The following LMO7 variants were observed in gnomAD, a reference collection of about 807,000 sequenced individuals.
LMO7 encodes LIM domain 7.
Under a neutral mutation model 206.5 loss-of-function variants are expected in LMO7, and 120 were observed. The ratio of observed to expected loss-of-function variants is 0.58; its 90% CI spans 0.50 to 0.68. The LOEUF is 0.68. Ranked by LOEUF, LMO7 falls within the 30% of genes least tolerant of loss-of-function variation. The probability of loss-of-function intolerance (pLI) is 0.00; values close to 1 mark genes in which losing one functional copy is unlikely to be tolerated. For missense variants in LMO7, 1,959 were observed against 1,957.9 expected, an observed-to-expected ratio of 1.00 and a Z score of -0.01; for synonymous variants, 706 against 681.5, an observed-to-expected ratio of 1.04 and a Z score of -0.56.
chr13:75,796,739 C>T lies in LMO7; in HGVS notation c.452C>T (p.Ala151Val). 2 of 1,597,264 alleles carry T rather than the reference C, an allele frequency of 1.3e-6. No individual in the cohort carries two copies. Among genetic ancestry groups the T allele is most frequent in the Non-Finnish European group, 1.7e-6 (2 of 1,164,808 alleles). Residue 151 changes from alanine to valine, a missense_variant, in exon 6 of 31, where the codon GCA (alanine) becomes GTA (valine). Physicochemically the swap from Ala to Val is moderately conservative, Grantham distance 64. Coordinates refer to ENST00000377534, the MANE Select transcript of LMO7 (RefSeq NM_001306080.2). The stretch of plus-strand genomic sequence containing the variant: ...GCGTTTGAGAATCTTTTAGGACAAG[C>T]ACTGACGAAGGTAAGTAAACTACAT... ...LKAFENLLGQ[A>V]LTKALEDSSF...
At position 75,817,217 on chromosome 13, in the gene LMO7, G is replaced by T; in HGVS notation, c.2003G>T (p.Arg668Leu). The change falls in exon 12 of 31, where the codon CGT (arginine) becomes CTT (leucine). Residue 668 changes from arginine (R) to leucine (L), a missense_variant. Transcript: ENST00000377534. ...GATGTTCAAAACTTGCGTCAGCTGC[G>T]TTACGAGGAGATGCAGAAAATAAAA... ...AEDVQNLRQL[R>L]YEEMQKIKSQ... The T allele has an allele frequency of 6.2e-7, 1 of 1,613,770 alleles. No homozygotes were observed. Among genetic ancestry groups the T allele is most frequent in the South Asian group, 1.1e-5 (1 of 91,060 alleles).
intron 1 of LMO7, among the ~76,000 whole-genome samples, chr13:75,663,672 C>T (rs2038850423): frequency 6.6e-6 from 1 of 151,952 alleles, no homozygotes; most frequent in African/African-American, 2.4e-5. Context: ...CCTTGTGATC[C>T]ACCCGCCTCG....
chr13:75,819,143 C>T (rs1468114619), intron 12 of LMO7: 3 of 331,850 alleles, frequency 9.0e-6, no homozygotes, highest in Non-Finnish European at 1.1e-5. Context: ...ATGAAGTGTG[C>T]AATGAGGCAG....
At chr13:75,817,661 C>T (rs1461192384) in intron 12 of LMO7, among the ~76,000 whole-genome samples, 1 of 151,918 alleles carries the variant, frequency 6.6e-6, no homozygotes, top group Non-Finnish European at 1.5e-5. Context: ...AGGGTTCTGG[C>T]AGAGACCTTG....
intron 1 of LMO7, among the ~76,000 whole-genome samples, chr13:75,672,352 C>T (rs1159761198): frequency 2.0e-5 from 3 of 150,998 alleles, no homozygotes; most frequent in Non-Finnish European, 4.4e-5. Context: ...AGCAATTCTT[C>T]TGCCTCAGCC....
At position 75,855,095 on chromosome 13, in the gene LMO7, A is replaced by G. The variant is rs967716767; in HGVS notation, c.4662-165A>G. On this transcript the variant is annotated intron_variant, in intron 28 of 30. Transcript: ENST00000377534. Reference sequence around the variant, plus strand: ...TGGAGATGGTTCAAAGTTAGAGTATAATCAAGGCACTCTTTAGTTGGCTGG... The same window carrying G: ...TGGAGATGGTTCAAAGTTAGAGTATGATCAAGGCACTCTTTAGTTGGCTGG... 3 of 540,762 alleles carry G rather than the reference A, an allele frequency of 5.5e-6. No homozygotes were observed. In the African/African-American group the frequency reaches 5.7e-5, roughly 10 times the overall value. The allele number at this position is 540,762 out of a possible 1,614,324, so 33.5% of individuals were successfully genotyped here.
intron 9 of LMO7, chr13:75,806,493 C>G (rs1018790145): frequency 2.0e-5 from 3 of 152,442 alleles, no homozygotes; most frequent in African/African-American, 2.4e-5. Context: ...ATGTGTGAGA[C>G]AGGATATATT....
chr13:75,634,803 C>A (rs2328957), upstream of LMO7, among the ~76,000 whole-genome samples: 3,459 of 151,212 alleles, frequency 0.023, 58 homozygotes, highest in Middle Eastern at 0.13. Context: ...GAGGTCAGTT[C>A]GAGACCAGCC....
chr13:75,712,123 C>T (rs1033979453), intron 1 of LMO7, among the ~76,000 whole-genome samples: 19 of 152,126 alleles, frequency 1.2e-4, no homozygotes, highest in African/African-American at 2.4e-4. Context: ...CTAGGGGGAC[C>T]GTGAAGCTGG....
chr13:75,727,146 G>A lies in LMO7; in HGVS notation c.210+48G>A, dbSNP rs547504547. ...AACTAAATTTATTTGTCTTTGAAAT[G>A]TAAAGAGGTGGGCATAGGCAGATTT... On this transcript the variant is annotated intron_variant, in intron 3 of 30. Transcript: ENST00000377534. 1.3e-5 allele frequency: 16 copies of A among 1,250,614 alleles called. No individual in the cohort carries two copies. In the South Asian group the frequency reaches 2.0e-4, roughly 16 times the overall value. 77.5% of individuals were successfully genotyped at this position (1,250,614 alleles called of 1,614,324 possible).
intron 4 of LMO7, among the ~76,000 whole-genome samples, chr13:75,765,969 A>G (rs935024190): frequency 6.6e-6 from 1 of 152,006 alleles, no homozygotes; most frequent in African/African-American, 2.4e-5. Context: ...AAACGATCCT[A>G]TCTTATGTTC....
At chr13:75,621,850 A>C (rs758898739) in exon 1 of LMO7, 16 of 1,598,272 alleles carry the variant, frequency 1.0e-5, no homozygotes, top group Middle Eastern at 3.3e-4. Context: ...TCTCAGGGAC[A>C]GAGTCTGCAG....
At position 75,639,004 on chromosome 13, in the gene LMO7, A is replaced by G. The variant is rs370263030; in HGVS notation, c.69+2278A>G. Among the ~76,000 whole-genome samples the G allele has an allele frequency of 1.7e-4, 26 of 152,284 alleles. No individual in the cohort carries two copies. The East Asian group carries it at 1.7e-3, about 10-fold the overall frequency. ...ATTGTATATGTATGTACATATATAC[A>G]TATGTATTATAATATATGTTCTATC... On this transcript the variant is annotated intron_variant, in intron 1 of 30. Transcript: ENST00000377534.
chr13:75,657,288 G>A (rs867696027), intron 1 of LMO7, among the ~76,000 whole-genome samples: 3 of 152,146 alleles, frequency 2.0e-5, no homozygotes, highest in Admixed American at 6.5e-5. Context: ...TCTGTTGTTC[G>A]AAGTCACTGA....
rs147229981 is a variant in LMO7, at chr13:75,843,086, A to G, written c.4097+170A>G. ...AGTTAGCTTTTGCTGTGTAACAACT[A>G]TTCGTGAACTTAATGAATTAGCTTA... On this transcript the variant is annotated intron_variant, in intron 25 of 30. Coordinates refer to ENST00000377534, the MANE Select transcript of LMO7 (RefSeq NM_001306080.2). Among the ~76,000 whole-genome samples the G allele has an allele frequency of 2.4e-3, 370 of 152,364 alleles. 3 individuals are homozygous for G. Among genetic ancestry groups the G allele is most frequent in the Middle Eastern group, 6.8e-3 (2 of 294 alleles).
intron 11 of LMO7, among the ~76,000 whole-genome samples, chr13:75,812,984 G>T (rs2056578603): frequency 6.6e-6 from 1 of 152,192 alleles, no homozygotes; most frequent in South Asian, 2.1e-4. Context: ...AATCTGTGAG[G>T]CCGACAGATA....
intron 28 of LMO7, among the ~76,000 whole-genome samples, chr13:75,853,690 T>C (rs1200769529): frequency 2.6e-5 from 4 of 152,202 alleles, no homozygotes; most frequent in Non-Finnish European, 4.4e-5. Flanking sequence ...ACCAGAATAC[T>C]TCTCAGTGTG....
chr13:75,724,585 G>A (rs1450043612), intron 2 of LMO7, among the ~76,000 whole-genome samples: 1 of 152,154 alleles, frequency 6.6e-6, no homozygotes, highest in Non-Finnish European at 1.5e-5. Flanking sequence ...TTCCATAGAT[G>A]ATACTTGTTT....
At chr13:75,644,580 T>C (rs1294619053) in intron 1 of LMO7, among the ~76,000 whole-genome samples, 1 of 152,232 alleles carries the variant, frequency 6.6e-6, no homozygotes, top group Non-Finnish European at 1.5e-5. Flanking sequence ...TAGTGCCGTA[T>C]TAGTACATGA....
Sources: gnomAD v4.1 joint callset for allele counts (sites outside exome capture counted in the v4.1 genomes callset) on GRCh38, gnomAD v4.1.1 for gene constraint, MANE v1.5 for transcripts, NCBI Gene and HGNC (gene_info 2026-07-23, HGNC 2026-07-21) for gene names.